The following IQSEC3 variants were observed in gnomAD, a reference collection of about 807,000 sequenced individuals.
IQSEC3 encodes IQ motif and SEC7 domain-containing protein 3.
Under a neutral mutation model 105.4 loss-of-function variants are expected in IQSEC3, and 50 were observed. That is an observed-to-expected ratio of 0.47 (90% CI 0.38 to 0.60). IQSEC3 has a LOEUF of 0.60. Ranked by LOEUF, IQSEC3 falls within the 20% of genes least tolerant of loss-of-function variation. The pLI is 0.00. For synonymous variants in IQSEC3, 708 were observed against 746.0 expected, an observed-to-expected ratio of 0.95 and a Z score of 0.83; for missense variants, 1,415 against 1,630.0, an observed-to-expected ratio of 0.87 and a Z score of 2.27.
In IQSEC3 at chr12:138,784, C is replaced by G. The variant is rs782369455; in HGVS notation, c.1421C>G (p.Pro474Arg). The G allele has an allele frequency of 3.7e-6, 6 of 1,601,646 alleles. No homozygotes were observed. In the Admixed American group the frequency reaches 1.0e-4, roughly 27 times the overall value. The change falls in exon 4 of 14, where the codon CCC becomes CGC. Residue 474 changes from proline (P) to arginine (R), a missense_variant. By Grantham distance (103) the Pro-to-Arg change is moderately radical. Around this residue, in one of 6 missense-constraint regions of IQSEC3, gnomAD observed 720 missense variants for 633.0 expected, o/e 1.14. Transcript: ENST00000538872. This position sits in a 1 kb window ranked among gnomAD's most constrained non-coding sequence, Gnocchi z 7.1. ...GACGCCGCGGAGACCCCCGGCCTGC[C>G]CCCGGCCCACAGCGGGACCCTCATG... ...GDDAAETPGL[P>R]PAHSGTLMMA...
chr12:136,596 C>T (rs1003783788), intron 3 of IQSEC3, among the ~76,000 whole-genome samples: 7 of 152,118 alleles, frequency 4.6e-5, no homozygotes, highest in Non-Finnish European at 8.8e-5. Flanking sequence ...ACAATCTGTA[C>T]CCTCCCCACC....
chr12:139,262 C>T lies in IQSEC3; in HGVS notation c.1899C>T (p.His633=). ...TGATCCTGAGCCTGCCGCGCTACCA[C>T]TGCGAGAACCCAGCCAGCTGCAAGT... The part of the protein sequence containing the change: ...QAMILSLPRY[H]CENPASCKSP... The change falls in exon 4 of 14, where the codon CAC becomes CAT. Residue 633 remains histidine, a synonymous_variant. Coordinates refer to ENST00000538872, the MANE Select transcript of IQSEC3 (RefSeq NM_001170738.2). 6.2e-7 allele frequency: 1 copy of T among 1,610,320 alleles called. No individual in the cohort carries two copies. The highest frequency in any genetic ancestry group is 8.5e-7 in the Non-Finnish European group (1 of 1,178,748).
intron 2 of IQSEC3, among the ~76,000 whole-genome samples, chr12:109,092 C>G (rs1864783264): frequency 6.6e-6 from 1 of 152,258 alleles, no homozygotes; most frequent in Admixed American, 6.5e-5. Context: ...CACGCGCTCT[C>G]TCTACTTCAG....
intron 5 of IQSEC3, among the ~76,000 whole-genome samples, chr12:151,770 C>A (rs886613283): frequency 2.0e-5 from 3 of 152,082 alleles, no homozygotes; most frequent in Non-Finnish European, 2.9e-5. Flanking sequence ...CCTTGCGGAC[C>A]CTGCCTAGGT....
chr12:69,723 C>T (rs1863237019), intron 1 of IQSEC3, among the ~76,000 whole-genome samples: 2 of 152,272 alleles, frequency 1.3e-5, no homozygotes, highest in Non-Finnish European at 2.9e-5. Context: ...TCTTCTGGAC[C>T]ACTCATTTCT....
At chr12:126,358 G>A (rs1189709966) in intron 3 of IQSEC3, among the ~76,000 whole-genome samples, 1 of 152,258 alleles carries the variant, frequency 6.6e-6, no homozygotes, top group Non-Finnish European at 1.5e-5. Context: ...GAAGCAGACA[G>A]GATTCCCAAG....
chr12:105,186 G>GA (rs2136930316), intron 2 of IQSEC3, among the ~76,000 whole-genome samples: 1 of 152,372 alleles, frequency 6.6e-6, no homozygotes, highest in African/African-American at 2.4e-5. Flanking sequence ...GAAAGCGATG[G>GA]CGGCAGGGGA....
At chr12:73,095 T>TAAAA (rs1228679355) in intron 1 of IQSEC3, among the ~76,000 whole-genome samples, 12 of 142,804 alleles carry the variant, frequency 8.4e-5, no homozygotes, top group South Asian at 4.5e-4. Flanking sequence ...AATAAATAAA[T>TAAAA]AAAAAAGGGA....
intron 2 of IQSEC3, 144 bp from the exon 3 acceptor site, chr12:125,489 A>T: frequency 1.2e-6 from 1 of 806,458 alleles, no homozygotes; most frequent in Non-Finnish European, 1.8e-6. Context: ...GCCCCTCCCT[A>T]GAGGAGACTG....
chr12:138,914 GGCCCCC>G lies in IQSEC3; in HGVS notation c.1554_1559del (p.Pro519_Ala520del). The G allele has an allele frequency of 6.2e-7, 1 of 1,604,354 alleles. No individual in the cohort carries two copies. Among genetic ancestry groups the G allele is most frequent in the South Asian group, 1.1e-5 (1 of 89,720 alleles). On this transcript the variant is annotated inframe_deletion, in exon 4 of 14. Coordinates refer to ENST00000538872, the MANE Select transcript of IQSEC3 (RefSeq NM_001170738.2). This position sits in a 1 kb window ranked among gnomAD's most constrained non-coding sequence, Gnocchi z 7.1. Reference sequence around the variant, plus strand: ...ACTGCCTGGGCGCTCAGACGGTCCAGGCCCCCGCAGAGCCCGCGGCGGGCAAGGCCG... The same window carrying G: ...ACTGCCTGGGCGCTCAGACGGTCCAGGCAGAGCCCGCGGCGGGCAAGGCCG...
In IQSEC3 at chr12:170,965, T is replaced by A. The variant is rs891937721; in HGVS notation, c.3065-147T>A. ...TCGCCCAGGTCACATAGCTCCTAAG[T>A]GGCAGAGTGGGGCTCCCAACCTCCG... On this transcript the variant is annotated intron_variant, in intron 12 of 13. Coordinates refer to ENST00000538872, the MANE Select transcript of IQSEC3 (RefSeq NM_001170738.2). The A allele has an allele frequency of 1.3e-5, 11 of 870,310 alleles. No individual in the cohort carries two copies. In the South Asian group the frequency reaches 1.6e-4, roughly 12 times the overall value. 53.9% of individuals were successfully genotyped at this position (870,310 alleles called of 1,614,324 possible).
chr12:86,934 T>C (rs943581095), intron 1 of IQSEC3, among the ~76,000 whole-genome samples: 8 of 151,844 alleles, frequency 5.3e-5, no homozygotes, highest in South Asian at 2.1e-4. Flanking sequence ...CTCCGTGAAA[T>C]TGTGCTCTCT....
chr12:80,912 G>A (rs563107141), intron 1 of IQSEC3, among the ~76,000 whole-genome samples: 2 of 152,178 alleles, frequency 1.3e-5, no homozygotes, highest in Non-Finnish European at 1.5e-5. Context: ...AGAGGCCAAG[G>A]GTGGGACCCT....
intron 1 of IQSEC3, among the ~76,000 whole-genome samples, chr12:75,727 TA>T (rs1371967039): frequency 2.0e-5 from 3 of 152,250 alleles, no homozygotes; most frequent in Non-Finnish European, 2.9e-5. Context: ...GTTGAATACA[TA>T]AACTCTCCGT....
At chr12:76,948 G>C (rs1394089579) in intron 1 of IQSEC3, among the ~76,000 whole-genome samples, 4 of 152,268 alleles carry the variant, frequency 2.6e-5, no homozygotes, top group Admixed American at 2.6e-4. Context: ...ATCCCAGGCA[G>C]AGAGACAAGG....
intron 2 of IQSEC3, among the ~76,000 whole-genome samples, chr12:122,231 G>C (rs539690716): frequency 6.6e-6 from 1 of 152,164 alleles, no homozygotes; most frequent in Non-Finnish European, 1.5e-5. Flanking sequence ...GGGCCAGTGG[G>C]CCTTGATAGG....
At chr12:134,473 A>C (rs782015893) in intron 3 of IQSEC3, among the ~76,000 whole-genome samples, 1 of 152,270 alleles carries the variant, frequency 6.6e-6, no homozygotes, top group Non-Finnish European at 1.5e-5. Flanking sequence ...CCCCATCACC[A>C]TTTTGGAAGC....
intron 12 of IQSEC3, among the ~76,000 whole-genome samples, chr12:170,713 C>T (rs1555099970): frequency 1.3e-5 from 2 of 152,254 alleles, no homozygotes; most frequent in South Asian, 2.1e-4. Context: ...GTCCTGCCCC[C>T]TCAGCCAGTC....
intron 1 of IQSEC3, among the ~76,000 whole-genome samples, chr12:78,062 G>T (rs1279589507): frequency 1.3e-5 from 2 of 151,312 alleles, no homozygotes; most frequent in Admixed American, 1.3e-4. Flanking sequence ...CCGCCGCCCC[G>T]CTGAGGAAGG....
Sources: allele counts gnomAD v4.1 joint callset (sites outside exome capture counted in the v4.1 genomes callset), GRCh38; gene constraint gnomAD v4.1.1; regional missense constraint gnomAD v4.1.1; non-coding constraint Gnocchi (gnomAD v3.1); transcripts MANE v1.5; gene names NCBI Gene and HGNC (gene_info 2026-07-23, HGNC 2026-07-21).